Variants in BNC2 observed in about 807,000 individuals in gnomAD.
BNC2 encodes zinc finger protein basonuclin-2.
In BNC2, 20 loss-of-function variants were observed where a neutral mutation model predicts 76.3. That is an observed-to-expected ratio of 0.26 (90% CI 0.18 to 0.38). The LOEUF is 0.38. BNC2 is among the 10% of genes least tolerant of loss of function. BNC2 has a pLI of 1.00. For synonymous variants in BNC2, 582 were observed against 514.8 expected, an observed-to-expected ratio of 1.13 and a Z score of -1.77; for missense variants, 1,382 against 1,399.8, an observed-to-expected ratio of 0.99 and a Z score of 0.20.
At chr9:16,745,173 T>G (rs906179312) in intron 1 of BNC2, among the ~76,000 whole-genome samples, 13 of 152,224 alleles carry the variant, frequency 8.5e-5, no homozygotes, top group Admixed American at 8.5e-4. Flanking sequence ...GCAAAAGGTG[T>G]AGCCAAGCGC....
chr9:16,463,499 T>C (rs1186056746), intron 5 of BNC2, among the ~76,000 whole-genome samples: 7 of 147,828 alleles, frequency 4.7e-5, no homozygotes, highest in Admixed American at 4.7e-4. Flanking sequence ...GGTTTCACCG[T>C]TTTAGCCAGG....
chr9:16,809,017 A>T (rs1224832715), intron 1 of BNC2, among the ~76,000 whole-genome samples: 3 of 152,202 alleles, frequency 2.0e-5, no homozygotes, highest in Non-Finnish European at 4.4e-5. Flanking sequence ...ATCTGACAAC[A>T]GCTCATTCAC....
intron 3 of BNC2, among the ~76,000 whole-genome samples, chr9:16,705,525 TTGC>T (rs1049974862): frequency 6.6e-6 from 1 of 152,190 alleles, no homozygotes; most frequent in African/African-American, 2.4e-5. Context: ...CGCAGGCCAT[TTGC>T]TGCTCCCTCT....
At chr9:16,625,273 T>C (rs533109662) in intron 3 of BNC2, among the ~76,000 whole-genome samples, 28 of 152,272 alleles carry the variant, frequency 1.8e-4, no homozygotes, top group Admixed American at 3.3e-4. Flanking sequence ...AAATGAAATA[T>C]GTTTAGTCCT....
At chr9:16,733,254 A>G (rs1442184409) in intron 2 of BNC2, among the ~76,000 whole-genome samples, 1 of 152,196 alleles carries the variant, frequency 6.6e-6, no homozygotes, top group Admixed American at 6.5e-5. Context: ...ACCTCTTCTG[A>G]AAAGATAATC....
intron 1 of BNC2, among the ~76,000 whole-genome samples, chr9:16,797,873 A>T (rs376825833): frequency 2.6e-5 from 4 of 152,188 alleles, no homozygotes; most frequent in Non-Finnish European, 5.9e-5. Flanking sequence ...CACCAAGAGA[A>T]GACTGCCTTC....
At chr9:16,777,700 C>A (rs1181748520) in intron 1 of BNC2, among the ~76,000 whole-genome samples, 503 of 100,052 alleles carry the variant, frequency 5.0e-3, no homozygotes, top group East Asian at 0.011. Context: ...GACTCCATCT[C>A]AAAAAAAAAA....
intron 3 of BNC2, among the ~76,000 whole-genome samples, chr9:16,602,057 T>C (rs897314946): frequency 6.6e-6 from 1 of 152,102 alleles, no homozygotes; most frequent in Admixed American, 6.5e-5. Context: ...CCATTCTGCT[T>C]TCATAATTTT....
At chr9:16,822,454 T>A (rs1324536153) in intron 1 of BNC2, among the ~76,000 whole-genome samples, 1 of 152,056 alleles carries the variant, frequency 6.6e-6, no homozygotes, top group Non-Finnish European at 1.5e-5. Context: ...AAACTCTCAG[T>A]GGTATTTAAA....
chr9:16,702,074 T>C (rs1226155078), intron 3 of BNC2, among the ~76,000 whole-genome samples: 1 of 152,130 alleles, frequency 6.6e-6, no homozygotes, highest in Non-Finnish European at 1.5e-5. Context: ...CAACAAATAG[T>C]TCCTAAGTCC....
intron 4 of BNC2, among the ~76,000 whole-genome samples, chr9:16,565,709 G>A (rs947263476): frequency 6.6e-6 from 1 of 151,848 alleles, no homozygotes; most frequent in Non-Finnish European, 1.5e-5. Context: ...TTGGGAGGCT[G>A]AGATGGGAGG....
intron 5 of BNC2, among the ~76,000 whole-genome samples, chr9:16,476,600 C>G (rs1282068889): frequency 6.6e-6 from 1 of 151,620 alleles, no homozygotes; most frequent in African/African-American, 2.4e-5. Context: ...CAGTTTGACA[C>G]TGTCCCCTCC....
rs531988793 is a variant in BNC2 at position 16,782,608 on chromosome 9, T to C, written c.4-44123A>G. Among the ~76,000 whole-genome samples the C allele has an allele frequency of 3.3e-5, 5 of 152,250 alleles. No homozygotes were observed. The South Asian group carries it at 8.3e-4, about 25-fold the overall frequency. ...CCTTCCACTGGCTGACTCTGAAGAA[T>C]AAAGAGGCAGAGGTGTCACTTCCTC... On this transcript the variant is annotated intron_variant, in intron 1 of 6. Transcript: ENST00000380672.
intron 4 of BNC2, among the ~76,000 whole-genome samples, chr9:16,559,385 T>C (rs902087716): frequency 6.6e-6 from 1 of 152,210 alleles, no homozygotes; most frequent in South Asian, 2.1e-4. Flanking sequence ...AGATTGGACA[T>C]CCCTGTTCTA....
chr9:16,820,381 G>A (rs1008999281), intron 1 of BNC2, among the ~76,000 whole-genome samples: 8 of 151,612 alleles, frequency 5.3e-5, no homozygotes, highest in South Asian at 4.2e-4. Context: ...AGCCGAGATC[G>A]CACCATTGCG....
intron 1 of BNC2, among the ~76,000 whole-genome samples, chr9:16,787,533 A>T (rs553712263): frequency 2.0e-5 from 3 of 152,286 alleles, no homozygotes; most frequent in African/African-American, 7.2e-5. Context: ...CAAGAATGAC[A>T]TGCTTTACAT....
intron 5 of BNC2, among the ~76,000 whole-genome samples, chr9:16,529,863 T>C (rs544705474): frequency 6.6e-6 from 1 of 152,254 alleles, no homozygotes; most frequent in South Asian, 2.1e-4. Context: ...TTTTATTTAT[T>C]TATGAGATGG....
intron 5 of BNC2, among the ~76,000 whole-genome samples, chr9:16,448,836 G>GC (rs1243355633): frequency 6.6e-6 from 1 of 152,166 alleles, no homozygotes; most frequent in East Asian, 1.9e-4. Context: ...GCTGTTAATG[G>GC]ATCTACTTTC....
intron 4 of BNC2, among the ~76,000 whole-genome samples, chr9:16,567,274 T>C (rs954096542): frequency 2.0e-5 from 3 of 152,126 alleles, no homozygotes; most frequent in Non-Finnish European, 2.9e-5. Context: ...GTAATATAAA[T>C]GTAAAATGAG....
Sources: allele counts gnomAD v4.1 joint callset (sites outside exome capture counted in the v4.1 genomes callset), GRCh38; gene constraint gnomAD v4.1.1; transcripts MANE v1.5; gene names NCBI Gene and HGNC (gene_info 2026-07-23, HGNC 2026-07-21).